Variants in ANO8 observed in about 807,000 individuals in gnomAD.
The protein encoded by ANO8 is anoctamin-8.
Under a neutral mutation model 120.4 loss-of-function variants are expected in ANO8, and 67 were observed. The observed-to-expected ratio is 0.56, with a 90% confidence interval of 0.46 to 0.68. ANO8 has a LOEUF of 0.68. Ranked by LOEUF, ANO8 falls within the 30% of genes least tolerant of loss-of-function variation. ANO8 has a pLI of 0.00. For synonymous variants in ANO8, 727 were observed against 759.2 expected, an observed-to-expected ratio of 0.96 and a Z score of 0.70; for missense variants, 1,526 against 1,737.6, an observed-to-expected ratio of 0.88 and a Z score of 2.16.
chr19:17,329,720 G>C, intron 12 of ANO8, 37 bp downstream of exon 12: 1 of 1,579,878 alleles, frequency 6.3e-7, no homozygotes. Flanking sequence ...GGCCGCCATG[G>C]GGGCAGGGGG....
intron 17 of ANO8, 53 bp from the exon 18 acceptor site, chr19:17,323,937 G>A (rs997930166): frequency 1.0e-5 from 11 of 1,097,934 alleles, no homozygotes; most frequent in Non-Finnish European, 1.2e-5. Context: ...GCCGGACCCC[G>A]CCGGGCTGGC....
rs2074251420 is a variant in ANO8 at position 17,323,510 on chromosome 19, G to A, written c.*7C>T. On this transcript the variant is annotated 3_prime_UTR_variant, in exon 18 of 18. Transcript: ENST00000159087. ...GCATATGAGAAGAGAAGGCAGGGCG[G>A]GTAGAGCTAATGCCAGCCGCTGGGC... The A allele has an allele frequency of 7.7e-7, 1 of 1,293,122 alleles. No individual in the cohort carries two copies. The highest frequency in any genetic ancestry group is 3.2e-5 in the South Asian group (1 of 31,322). 80.1% of individuals were successfully genotyped at this position (1,293,122 alleles called of 1,614,324 possible). A position where few individuals can be genotyped will look rare whatever the true frequency, so the allele number is the denominator to read the frequency against.
intron 1 of ANO8, 111 bp downstream of exon 1, chr19:17,334,454 C>A (rs937782441): frequency 8.9e-6 from 9 of 1,008,036 alleles, no homozygotes; most frequent in South Asian, 6.0e-5. Flanking sequence ...GCCGGCCCCT[C>A]GTCCAGACAC....
rs2074251510 is a variant in ANO8 at position 17,323,524 on chromosome 19, C to T, written c.3692G>A (p.Trp1231Ter). Residue 1231 changes from tryptophan to a stop codon, truncating the protein, a stop_gained, in exon 18 of 18, where the codon TGG (tryptophan) becomes TAG (stop). Coordinates refer to ENST00000159087, the MANE Select transcript of ANO8 (RefSeq NM_020959.3). LOFTEE classifies it high-confidence loss of function. ...AAGGCAGGGCGGGTAGAGCTAATGC[C>T]AGCCGCTGGGCCAGCACACGGCCTG... is the stretch of plus-strand genomic sequence containing the variant. Reference protein sequence around the residue: ...SPQAVCWPSGWH With the variant: ...SPQAVCWPSG 1.5e-6 allele frequency: 2 copies of T among 1,292,996 alleles called. No homozygotes were observed. The highest frequency in any genetic ancestry group is 2.0e-6 in the Non-Finnish European group (2 of 1,020,228). The allele number at this position is 1,292,996 out of a possible 1,614,324, so 80.1% of individuals were successfully genotyped here. A position where few individuals can be genotyped will look rare whatever the true frequency, so the allele number is the denominator to read the frequency against.
chr19:17,329,611 C>A lies in ANO8; in HGVS notation c.1404+146G>T. The A allele has an allele frequency of 4.6e-6, 3 of 650,828 alleles. No homozygotes were observed. The South Asian group carries it at 5.6e-5, about 12-fold the overall frequency. The allele number at this position is 650,828 out of a possible 1,614,324, so 40.3% of individuals were successfully genotyped here. ...GACAGGCAGAGAGAGGACGCACAGA[C>A]GACGGACAACGGACGGACAGACAGG... On this transcript the variant is annotated intron_variant, in intron 12 of 17. Coordinates refer to ENST00000159087, the MANE Select transcript of ANO8 (RefSeq NM_020959.3).
chr19:17,328,001 C>T lies in ANO8; in HGVS notation c.2227-121G>A, dbSNP rs566342646. ...AGGGCCTGTCCCCATCCTCAGCCAG[C>T]CCAGAGGCTTCCTGTATCTGGCTAG... On this transcript the variant is annotated intron_variant, in intron 13 of 17. Coordinates refer to ENST00000159087, the MANE Select transcript of ANO8 (RefSeq NM_020959.3). The T allele has an allele frequency of 7.5e-5, 106 of 1,420,888 alleles. No individual in the cohort carries two copies. The African/African-American group carries it at 1.4e-3, about 19-fold the overall frequency. 88.0% of individuals were successfully genotyped at this position (1,420,888 alleles called of 1,614,324 possible). A position where few individuals can be genotyped will look rare whatever the true frequency, so the allele number is the denominator to read the frequency against.
At position 17,325,179 on chromosome 19, in the gene ANO8, C is replaced by T. The variant is rs1599543106; in HGVS notation, c.2869G>A (p.Gly957Ser). Reference protein sequence around the residue: ...SAKAKGSTAGGHGPERPKRPG... With the variant: ...SAKAKGSTAGSHGPERPKRPG... The stretch of plus-strand genomic sequence containing the variant: ...CGCTTGGGCCGTTCAGGCCCGTGGC[C>T]ACCCGCAGTGCTGCCCTTGGCCTTG... Residue 957 changes from glycine (G) to serine (S), a missense_variant, in exon 17 of 18, where the codon GGC (glycine) becomes AGC (serine). Physicochemically the swap from Gly to Ser is moderately conservative, Grantham distance 56. Coordinates refer to ENST00000159087, the MANE Select transcript of ANO8 (RefSeq NM_020959.3). 1.2e-6 allele frequency: 2 copies of T among 1,613,154 alleles called. No homozygotes were observed. The highest frequency in any genetic ancestry group is 1.7e-6 in the Non-Finnish European group (2 of 1,179,840).
chr19:17,333,274 AG>A lies in ANO8; in HGVS notation c.351-36del. The stretch of plus-strand genomic sequence containing the variant: ...AGGCGGAGGAGGTGGGCTCACAGGG[AG>A]GCCCCGGCCCACCATCCTGGAGCTG... On this transcript the variant is annotated intron_variant, in intron 3 of 17. Coordinates refer to ENST00000159087, the MANE Select transcript of ANO8 (RefSeq NM_020959.3). The surrounding 1 kb of genome is among the most constrained non-coding windows in gnomAD (Gnocchi z 7.2). 2 of 1,602,778 alleles carry A rather than the reference AG, an allele frequency of 1.2e-6. No homozygotes were observed. Among genetic ancestry groups the A allele is most frequent in the Non-Finnish European group, 1.7e-6 (2 of 1,172,564 alleles).
intron 11 of ANO8, 43 bp downstream of exon 11, chr19:17,329,916 G>T: frequency 6.2e-7 from 1 of 1,613,862 alleles, no homozygotes; most frequent in South Asian, 1.1e-5. Context: ...AGACGGCACA[G>T]CTTCCCCGTT....
At position 17,333,312 on chromosome 19, in the gene ANO8, C is replaced by G; in HGVS notation, c.351-73G>C. On this transcript the variant is annotated intron_variant, in intron 3 of 17. Coordinates refer to ENST00000159087, the MANE Select transcript of ANO8 (RefSeq NM_020959.3). The surrounding 1 kb of genome is among the most constrained non-coding windows in gnomAD (Gnocchi z 7.2). ...CCATCCTGGAGCTGAGGATGGTGCA[C>G]CTGGCAGCCTTTGGGACAAACGCAG... The G allele has an allele frequency of 1.4e-5, 22 of 1,601,472 alleles. No homozygotes were observed. Among genetic ancestry groups the G allele is most frequent in the Non-Finnish European group, 1.7e-5 (20 of 1,172,100 alleles).
chr19:17,334,534 A>G, intron 1 of ANO8, 31 bp downstream of exon 1: 1 of 1,511,462 alleles, frequency 6.6e-7, no homozygotes, highest in Non-Finnish European at 8.8e-7. Context: ...GGCACCTGCA[A>G]CCCTGTCTGG....
rs1377916958 is a variant in ANO8 at position 17,333,678 on chromosome 19, G to A, written c.217+12C>T. ...CTGGGCACTGGGCGGGCGGGCGGGC[G>A]GGCTTGGGTACCTGGGAAGGTCATC... On this transcript the variant is annotated intron_variant, in intron 2 of 17. Transcript: ENST00000159087. The surrounding 1 kb of genome is among the most constrained non-coding windows in gnomAD (Gnocchi z 7.2). The A allele has an allele frequency of 5.8e-6, 9 of 1,560,644 alleles. No individual in the cohort carries two copies. Among genetic ancestry groups the A allele is most frequent in the Non-Finnish European group, 5.2e-6 (6 of 1,155,026 alleles).
rs576350956 is a variant in ANO8 at position 17,328,123 on chromosome 19, C to T, written c.2226+39G>A. The T allele has an allele frequency of 6.7e-6, 10 of 1,487,278 alleles. No individual in the cohort carries two copies. The East Asian group carries it at 1.4e-4, about 21-fold the overall frequency. 92.1% of individuals were successfully genotyped at this position (1,487,278 alleles called of 1,614,324 possible). ...CTCGGACGGTGTGTCCCGTCCCCGG[C>T]GAGGCCCCGCCCCCTGCGAGGCCCC... is the stretch of plus-strand genomic sequence containing the variant. On this transcript the variant is annotated intron_variant, in intron 13 of 17. Coordinates refer to ENST00000159087, the MANE Select transcript of ANO8 (RefSeq NM_020959.3).
At chr19:17,329,717 ATGGG>A (rs769609563) in intron 12 of ANO8, 36 bp downstream of exon 12, 7 of 1,567,946 alleles carry the variant, frequency 4.5e-6, no homozygotes, top group Non-Finnish European at 4.4e-6. Flanking sequence ...GCTGGCCGCC[ATGGG>A]GGCAGGGGGG....
In ANO8 at chr19:17,330,209, A is replaced by G. The variant is rs201175872; in HGVS notation, c.1189T>C (p.Phe397Leu). Residue 397 changes from phenylalanine (F) to leucine (L), a missense_variant, in exon 10 of 18, where the codon TTC becomes CTC. Around this residue, in one of 8 missense-constraint regions of ANO8, gnomAD observed 91 missense variants for 85.3 expected, o/e 1.07. Transcript: ENST00000159087. ...AGGGCCAGCATGACCTTAGGCAGGA[A>G]TCGGGCGAGACGGGGCAACCCCTTC... ...SVKGLPRLAR[F>L]LPKVMLALLV... 6.4e-5 allele frequency: 103 copies of G among 1,614,014 alleles called. No individual in the cohort carries two copies. In the Admixed American group the frequency reaches 1.7e-3, roughly 27 times the overall value.
chr19:17,334,154 C>T (rs934058351), intron 1 of ANO8, among the ~76,000 whole-genome samples: 1 of 152,236 alleles, frequency 6.6e-6, no homozygotes, highest in Non-Finnish European at 1.5e-5. Context: ...GCGGTTCTTA[C>T]CCCCATTTCA....
chr19:17,323,707 G>T lies in ANO8; in HGVS notation c.3509C>A (p.Ala1170Asp). The change falls in exon 18 of 18, where the codon GCT becomes GAT. Residue 1170 changes from alanine to aspartate, a missense_variant. Physicochemically the swap from Ala to Asp is moderately radical, Grantham distance 126. This residue lies in a region of ANO8 where 489 missense variants were observed against 548.6 expected (regional missense o/e 0.89). Coordinates refer to ENST00000159087, the MANE Select transcript of ANO8 (RefSeq NM_020959.3). ...CATGGCACAGGGTGGGCACTCGGCA[G>T]CGGCCAGGGCCTGGCGGGGGGCGGC... ...EGAAPRQALA[A>D]AECPPCAMAG... 8.2e-7 allele frequency: 1 copy of T among 1,217,428 alleles called. No homozygotes were observed. The allele number at this position is 1,217,428 out of a possible 1,614,324, so 75.4% of individuals were successfully genotyped here. A position where few individuals can be genotyped will look rare whatever the true frequency, so the allele number is the denominator to read the frequency against.
At position 17,325,030 on chromosome 19, in the gene ANO8, G is replaced by A; in HGVS notation, c.3018C>T (p.Thr1006=). Residue 1006 remains threonine, a synonymous_variant, in exon 17 of 18, where the codon ACC becomes ACT. Transcript: ENST00000159087. ...TGGGTGACTGGGCAGGGGGAGGCCG[G>A]GTGGTGGCTCCGGCCCCTGCAGCAG... is the stretch of plus-strand genomic sequence containing the variant. ...SLAAAGAGAT[T]RPPPAQSPTG... is the part of the protein sequence containing the mutation. 1 of 1,613,048 alleles carries A rather than the reference G, an allele frequency of 6.2e-7. No homozygotes were observed. The highest frequency in any genetic ancestry group is 8.5e-7 in the Non-Finnish European group (1 of 1,179,882).
intron 17 of ANO8, 65 bp downstream of exon 17, chr19:17,324,652 C>T: frequency 6.6e-7 from 1 of 1,508,784 alleles, no homozygotes; most frequent in Non-Finnish European, 8.8e-7. Context: ...CTCCCCAGGC[C>T]TGGCCACCCT....
Sources: gnomAD v4.1 joint callset for allele counts (sites outside exome capture counted in the v4.1 genomes callset) on GRCh38, gnomAD v4.1.1 for gene constraint, gnomAD v4.1.1 regional missense constraint, Gnocchi (gnomAD v3.1) non-coding constraint, MANE v1.5 for transcripts, NCBI Gene and HGNC (gene_info 2026-07-23, HGNC 2026-07-21) for gene names.